The following CACNA2D3 variants were observed in gnomAD, a reference collection of about 807,000 sequenced individuals.
The protein encoded by CACNA2D3 is voltage-dependent calcium channel subunit alpha-2/delta-3.
Under a neutral mutation model 160.6 loss-of-function variants are expected in CACNA2D3, and 60 were observed. The ratio of observed to expected loss-of-function variants is 0.37; its 90% CI spans 0.30 to 0.46. CACNA2D3 has a LOEUF of 0.46. CACNA2D3 is among the 20% of genes least tolerant of loss of function. CACNA2D3 has a pLI of 1.00. For missense variants in CACNA2D3, 1,205 were observed against 1,365.0 expected, an observed-to-expected ratio of 0.88 and a Z score of 1.85; for synonymous variants, 558 against 492.9, an observed-to-expected ratio of 1.13 and a Z score of -1.75.
chr3:54,958,251 G>T (rs367791638), intron 27 of CACNA2D3, among the ~76,000 whole-genome samples: 19 of 152,216 alleles, frequency 1.2e-4, no homozygotes, highest in African/African-American at 4.6e-4. Flanking sequence ...GTATCGGATG[G>T]GTGTGGTGGC....
intron 11 of CACNA2D3, among the ~76,000 whole-genome samples, chr3:54,693,627 C>T (rs1220493945): frequency 1.3e-5 from 2 of 152,182 alleles, no homozygotes; most frequent in African/African-American, 4.8e-5. Flanking sequence ...GAAGGCATTG[C>T]TATCATAGGA....
chr3:54,186,718 C>T lies in CACNA2D3; in HGVS notation c.204+63124C>T, dbSNP rs190114838. ...GTCTGGATTTATGATATCTCTCCTT[C>T]CTTATGTCTTCTGAAAAAAAAAATT... On this transcript the variant is annotated intron_variant, in intron 2 of 37. Coordinates refer to ENST00000474759, the MANE Select transcript of CACNA2D3 (RefSeq NM_018398.3). Among the ~76,000 whole-genome samples the T allele has an allele frequency of 4.3e-3, 656 of 151,380 alleles. 1 individual carries two copies. Among genetic ancestry groups the T allele is most frequent in the Non-Finnish European group, 6.4e-3 (434 of 67,976 alleles).
intron 33 of CACNA2D3, 89 bp from the exon 34 acceptor site, chr3:55,009,299 A>C: frequency 4.5e-6 from 5 of 1,112,696 alleles, no homozygotes; most frequent in Non-Finnish European, 6.9e-6. Context: ...CAAATGAGGT[A>C]AGCGATGCCA....
At position 55,004,746 on chromosome 3, in the gene CACNA2D3, C is replaced by A. The variant is rs538224964; in HGVS notation, c.2691-17C>A. The A allele has an allele frequency of 4.1e-5, 65 of 1,586,758 alleles. No homozygotes were observed. In the East Asian group the frequency reaches 1.4e-3, roughly 34 times the overall value. On this transcript the variant is annotated splice_polypyrimidine_tract_variant and intron_variant, in intron 31 of 37. Coordinates refer to ENST00000474759, the MANE Select transcript of CACNA2D3 (RefSeq NM_018398.3). ...TTTTCTCATTTAGTGAAGCTCCCTT[C>A]CATTTCTTTCCTGTAGAATTACCCT...
At chr3:54,409,669 A>G (rs1293491546) in intron 4 of CACNA2D3, among the ~76,000 whole-genome samples, 1 of 152,228 alleles carries the variant, frequency 6.6e-6, no homozygotes, top group African/African-American at 2.4e-5. Context: ...TACAAGTGCT[A>G]CTTCAGTGAA....
At chr3:54,858,745 G>A (rs773212553) in intron 17 of CACNA2D3, among the ~76,000 whole-genome samples, 4 of 152,154 alleles carry the variant, frequency 2.6e-5, no homozygotes, top group African/African-American at 4.8e-5. Flanking sequence ...CCCTCACTCT[G>A]TTGTGGGCCC....
chr3:54,636,096 A>T (rs1258534976), intron 10 of CACNA2D3, among the ~76,000 whole-genome samples: 1 of 151,906 alleles, frequency 6.6e-6, no homozygotes. Context: ...AGCAGATGGA[A>T]CACTGAGAAG....
chr3:54,598,307 C>CAAA (rs10656534), intron 9 of CACNA2D3, among the ~76,000 whole-genome samples: 915 of 49,180 alleles, frequency 0.019, 80 homozygotes, highest in African/African-American at 0.047. Context: ...CTCCGTCTCA[C>CAAA]AAAAAAAAAA....
At chr3:54,717,945 T>G (rs766124186) in intron 11 of CACNA2D3, among the ~76,000 whole-genome samples, 11 of 152,188 alleles carry the variant, frequency 7.2e-5, no homozygotes, top group Non-Finnish European at 4.4e-5. Flanking sequence ...TTCCCATCCC[T>G]GTGATCACTA....
At chr3:54,581,564 G>A (rs1328034498) in intron 8 of CACNA2D3, among the ~76,000 whole-genome samples, 1 of 152,176 alleles carries the variant, frequency 6.6e-6, no homozygotes, top group Admixed American at 6.5e-5. Context: ...CCTGAACCCT[G>A]CCAGCTACCA....
At chr3:54,222,277 G>C (rs1701588380) in intron 2 of CACNA2D3, among the ~76,000 whole-genome samples, 1 of 152,174 alleles carries the variant, frequency 6.6e-6, no homozygotes, top group African/African-American at 2.4e-5. Flanking sequence ...AGAACCAGGA[G>C]AGCTGGTGAT....
intron 17 of CACNA2D3, among the ~76,000 whole-genome samples, chr3:54,853,721 G>A (rs1699108856): frequency 6.6e-6 from 1 of 152,294 alleles, no homozygotes; most frequent in Admixed American, 6.5e-5. Flanking sequence ...GAGGAAGGGT[G>A]CCCTGAGATG....
chr3:54,335,434 A>G (rs763458577), intron 3 of CACNA2D3, among the ~76,000 whole-genome samples: 9 of 152,184 alleles, frequency 5.9e-5, no homozygotes, highest in Non-Finnish European at 1.3e-4. Context: ...CCCTTTTTAG[A>G]CCATATAGGG....
chr3:54,385,214 G>A (rs746093291), intron 3 of CACNA2D3, among the ~76,000 whole-genome samples: 14 of 152,130 alleles, frequency 9.2e-5, no homozygotes, highest in Non-Finnish European at 1.8e-4. Flanking sequence ...CTTTTGATTC[G>A]GTGGGACTGG....
chr3:54,172,728 G>A (rs897353389), intron 2 of CACNA2D3, among the ~76,000 whole-genome samples: 1 of 152,100 alleles, frequency 6.6e-6, no homozygotes, highest in African/African-American at 2.4e-5. Context: ...AAGGCAGGGT[G>A]GACATTGTTT....
In CACNA2D3 at chr3:54,475,252, G is replaced by A. The variant is rs542144834; in HGVS notation, c.382-28240G>A. On this transcript the variant is annotated intron_variant, in intron 4 of 37. Transcript: ENST00000474759. Reference sequence around the variant, plus strand: ...TCCCTTTTGTGAGTTGCAAAGGAAAGAATGTTCTCTGTGTGCAACAAATAG... The same window carrying A: ...TCCCTTTTGTGAGTTGCAAAGGAAAAAATGTTCTCTGTGTGCAACAAATAG... 7.1e-4 allele frequency among the ~76,000 whole-genome samples: 108 copies of A among 152,294 alleles called. 1 individual carries two copies. Among genetic ancestry groups the A allele is most frequent in the Non-Finnish European group, 1.0e-3 (71 of 68,024 alleles).
At chr3:54,266,017 C>T (rs1194255225) in intron 2 of CACNA2D3, among the ~76,000 whole-genome samples, 1 of 152,096 alleles carries the variant, frequency 6.6e-6, no homozygotes, top group African/African-American at 2.4e-5. Context: ...GGATGAAGGA[C>T]ACAAGGATTA....
chr3:54,756,591 A>G (rs571653519), intron 12 of CACNA2D3, among the ~76,000 whole-genome samples: 1 of 152,274 alleles, frequency 6.6e-6, no homozygotes, highest in African/African-American at 2.4e-5. Context: ...GCATTCAGGG[A>G]CCAGAGCAGA....
At chr3:54,438,225 A>G (rs546021431) in intron 4 of CACNA2D3, among the ~76,000 whole-genome samples, 1 of 152,276 alleles carries the variant, frequency 6.6e-6, no homozygotes, top group South Asian at 2.1e-4. Flanking sequence ...GCTACTTCCT[A>G]AGTATGAAAT....
Sources: gnomAD v4.1 joint callset for allele counts (sites outside exome capture counted in the v4.1 genomes callset) on GRCh38, gnomAD v4.1.1 for gene constraint, MANE v1.5 for transcripts, NCBI Gene and HGNC (gene_info 2026-07-23, HGNC 2026-07-21) for gene names.